NKAIN3: variants seen among roughly 807,000 people sequenced by gnomAD.
The protein encoded by NKAIN3 is sodium/potassium-transporting ATPase subunit beta-1-interacting protein 3.
A neutral mutation model predicts 30.2 loss-of-function variants in NKAIN3; 25 were observed. The observed-to-expected ratio is 0.83, with a 90% CI of 0.60 to 1.16. NKAIN3 has a LOEUF of 1.16. NKAIN3 is among the 50% of genes most tolerant of loss of function. The probability of loss-of-function intolerance (pLI) is 0.00; values close to 1 mark genes in which losing one functional copy is unlikely to be tolerated. For missense variants in NKAIN3, 225 were observed against 254.1 expected, an observed-to-expected ratio of 0.89 and a Z score of 0.78; for synonymous variants, 91 against 89.6, an observed-to-expected ratio of 1.02 and a Z score of -0.09.
chr8:62,995,553 A>C (rs898821804), intron 5 of NKAIN3, among the ~76,000 whole-genome samples: 1 of 152,186 alleles, frequency 6.6e-6, no homozygotes, highest in African/African-American at 2.4e-5. Context: ...AAGAAAAGCT[A>C]AACTGATCTA....
rs188719969 is a variant in NKAIN3 at position 62,255,142 on chromosome 8, A to G, written c.54+6015A>G. The stretch of plus-strand genomic sequence containing the variant: ...CCATTAATTTCTTATGACTGATGGC[A>G]TTAAAACCAGGAAATTTGACACAAA... On this transcript the variant is annotated intron_variant, in intron 1 of 6. Transcript: ENST00000623646. Among the ~76,000 whole-genome samples the G allele has an allele frequency of 5.9e-5, 9 of 152,346 alleles. 1 individual carries two copies. Among genetic ancestry groups the G allele is most frequent in the Admixed American group, 4.6e-4 (7 of 15,306 alleles).
chr8:62,339,843 A>T lies in NKAIN3; in HGVS notation c.54+90716A>T, dbSNP rs770053370. Among the ~76,000 whole-genome samples the T allele has an allele frequency of 1.2e-3, 182 of 152,198 alleles. 1 individual carries two copies. The highest frequency in any genetic ancestry group is 8.4e-4 in the Non-Finnish European group (57 of 67,974). On this transcript the variant is annotated intron_variant, in intron 1 of 6. Coordinates refer to ENST00000623646, the MANE Select transcript of NKAIN3 (RefSeq NM_001304533.3). Reference sequence around the variant, plus strand: ...CGGTGGGCTGATTGTTAAAGAAAAAAAATCTAACATTTGCTGAAATGGTAA... The same window carrying T: ...CGGTGGGCTGATTGTTAAAGAAAAATAATCTAACATTTGCTGAAATGGTAA...
chr8:62,382,622 T>C (rs1817311924), intron 1 of NKAIN3, among the ~76,000 whole-genome samples: 1 of 152,174 alleles, frequency 6.6e-6, no homozygotes, highest in Non-Finnish European at 1.5e-5. Context: ...CAATATTTAA[T>C]TATTGGAACC....
intron 5 of NKAIN3, among the ~76,000 whole-genome samples, chr8:62,918,889 G>A (rs1822188450): frequency 6.6e-6 from 1 of 151,044 alleles, no homozygotes; most frequent in African/African-American, 2.4e-5. Context: ...TAACAGTAAT[G>A]ATATCAATAC....
At chr8:62,480,353 C>A (rs1483174838) in intron 1 of NKAIN3, among the ~76,000 whole-genome samples, 1 of 152,030 alleles carries the variant, frequency 6.6e-6, no homozygotes, top group Non-Finnish European at 1.5e-5. Flanking sequence ...ATACATATAT[C>A]AGAACATCAT....
At chr8:62,809,500 G>A (rs961023518) in intron 4 of NKAIN3, among the ~76,000 whole-genome samples, 8 of 152,176 alleles carry the variant, frequency 5.3e-5, no homozygotes, top group Non-Finnish European at 1.2e-4. Context: ...GCTTCAGCCA[G>A]TCCCTCTTTT....
chr8:62,519,418 T>C (rs1478221939), intron 1 of NKAIN3, among the ~76,000 whole-genome samples: 1 of 152,178 alleles, frequency 6.6e-6, no homozygotes, highest in Non-Finnish European at 1.5e-5. Context: ...TCTGGTTTAG[T>C]GCATATTTTA....
At chr8:62,661,248 G>A (rs16929378) in intron 3 of NKAIN3, among the ~76,000 whole-genome samples, 51,507 of 151,822 alleles carry the variant, frequency 0.34, 9,065 homozygotes, top group East Asian at 0.66. Context: ...ACAATCGAGA[G>A]AAGGTCTCCT....
intron 3 of NKAIN3, among the ~76,000 whole-genome samples, chr8:62,667,510 T>C (rs1469381138): frequency 6.6e-6 from 1 of 151,564 alleles, no homozygotes; most frequent in Non-Finnish European, 1.5e-5. Context: ...CCTTCTTTTC[T>C]TATCTTCACA....
chr8:62,584,477 A>G (rs1204174885), intron 2 of NKAIN3, among the ~76,000 whole-genome samples: 1 of 152,188 alleles, frequency 6.6e-6, no homozygotes, highest in Non-Finnish European at 1.5e-5. Flanking sequence ...ATGAGACTCA[A>G]GCTCACCAGT....
intron 6 of NKAIN3, among the ~76,000 whole-genome samples, chr8:62,960,538 A>C (rs1354259716): frequency 2.0e-5 from 3 of 152,116 alleles, no homozygotes; most frequent in Non-Finnish European, 2.9e-5. Context: ...AACATAAAAA[A>C]AGTCATTTTG....
intron 1 of NKAIN3, among the ~76,000 whole-genome samples, chr8:62,280,078 GAGGT>G (rs1393027493): frequency 2.6e-5 from 4 of 152,148 alleles, no homozygotes; most frequent in Non-Finnish European, 5.9e-5. Flanking sequence ...TCCCCTTGAA[GAGGT>G]CCTTCACGTC....
intron 3 of NKAIN3, among the ~76,000 whole-genome samples, chr8:62,672,294 T>C (rs974721833): frequency 2.6e-5 from 4 of 152,206 alleles, no homozygotes; most frequent in African/African-American, 9.6e-5. Context: ...GGGAAAACTA[T>C]TCATTGTGGC....
At chr8:62,689,282 C>A (rs570045779) in intron 3 of NKAIN3, among the ~76,000 whole-genome samples, 1 of 152,262 alleles carries the variant, frequency 6.6e-6, no homozygotes, top group East Asian at 1.9e-4. Flanking sequence ...TAGTCTCATG[C>A]TTACTCTGTC....
chr8:62,779,559 T>A (rs1199010813), intron 4 of NKAIN3, among the ~76,000 whole-genome samples: 1 of 152,104 alleles, frequency 6.6e-6, no homozygotes, highest in Non-Finnish European at 1.5e-5. Context: ...ATTCTCTCTC[T>A]GTGGCAAGAA....
intron 1 of NKAIN3, among the ~76,000 whole-genome samples, chr8:62,364,015 C>T (rs1405701283): frequency 6.6e-6 from 1 of 151,982 alleles, no homozygotes; most frequent in Non-Finnish European, 1.5e-5. Context: ...AATGGTTACC[C>T]AGAAGGCATC....
intron 1 of NKAIN3, among the ~76,000 whole-genome samples, chr8:62,257,983 C>A (rs892377952): frequency 6.6e-6 from 1 of 151,836 alleles, no homozygotes; most frequent in African/African-American, 2.4e-5. Flanking sequence ...TTTTCTATCC[C>A]CAGAACATCA....
At chr8:62,269,177 G>A (rs2625415) in intron 1 of NKAIN3, among the ~76,000 whole-genome samples, 7,596 of 152,224 alleles carry the variant, frequency 0.05, 258 homozygotes, top group Middle Eastern at 0.12. Context: ...CCCTGTGCAT[G>A]GTGGATAAGT....
intron 1 of NKAIN3, among the ~76,000 whole-genome samples, chr8:62,571,884 G>C (rs760611671): frequency 1.3e-5 from 2 of 152,044 alleles, no homozygotes; most frequent in Admixed American, 1.3e-4. Flanking sequence ...ACCCTGGGCC[G>C]GCCCACGAAA....
Sources: allele counts gnomAD v4.1 joint callset (sites outside exome capture counted in the v4.1 genomes callset), GRCh38; gene constraint gnomAD v4.1.1; transcripts MANE v1.5; gene names NCBI Gene and HGNC (gene_info 2026-07-23, HGNC 2026-07-21).